Variants in KCNN3 observed in about 807,000 individuals in gnomAD.
The protein encoded by KCNN3 is small conductance calcium-activated potassium channel protein 3.
KCNN3 carries 16 observed loss-of-function variants against 62.9 expected under a neutral mutation model. The observed-to-expected ratio is 0.25, with a 90% confidence interval of 0.17 to 0.39. The LOEUF (loss-of-function observed/expected upper bound fraction) is 0.39, where lower values mean the gene tolerates loss of function less well. Among genes scored for constraint, KCNN3 ranks in the 10% least tolerant of loss-of-function variants. The pLI, the probability that KCNN3 is intolerant of heterozygous loss-of-function variation, is 1.00. For synonymous variants in KCNN3, 370 were observed against 389.2 expected, an observed-to-expected ratio of 0.95 and a Z score of 0.58; for missense variants, 599 against 949.4, an observed-to-expected ratio of 0.63 and a Z score of 4.85.
chr1:154,840,341 G>C (rs1026483982), intron 1 of KCNN3, among the ~76,000 whole-genome samples: 2 of 152,158 alleles, frequency 1.3e-5, no homozygotes, highest in Admixed American at 1.3e-4. Context: ...ATTTGCAAAG[G>C]TATGGTTGGT....
At chr1:154,837,308 T>C (rs1422614093) in intron 1 of KCNN3, among the ~76,000 whole-genome samples, 4 of 152,108 alleles carry the variant, frequency 2.6e-5, no homozygotes, top group Non-Finnish European at 5.9e-5. Context: ...TTTGTGTTTT[T>C]CTTTTTTTTG....
intron 1 of KCNN3, among the ~76,000 whole-genome samples, chr1:154,861,241 C>T (rs1571347249): frequency 2.6e-5 from 4 of 152,208 alleles, no homozygotes; most frequent in Admixed American, 2.6e-4. Flanking sequence ...AGGTATGAGC[C>T]ACCGCGCCTG....
chr1:154,732,861 G>A lies in KCNN3; in HGVS notation c.1590+142C>T, dbSNP rs954080627. ...GCAGATTTCCCACCTGACATTTTAT[G>A]TGTAGGGGACACACATGCAGGTCGG... is the stretch of plus-strand genomic sequence containing the variant. On this transcript the variant is annotated intron_variant, in intron 4 of 7. Coordinates refer to ENST00000271915, the MANE Select transcript of KCNN3 (RefSeq NM_002249.6). The A allele has an allele frequency of 6.2e-6, 5 of 808,666 alleles. No individual in the cohort carries two copies. In the African/African-American group the frequency reaches 6.7e-5, roughly 11 times the overall value. 50.1% of individuals were successfully genotyped at this position (808,666 alleles called of 1,614,324 possible).
chr1:154,790,461 G>A lies in KCNN3; in HGVS notation c.1030-18068C>T, dbSNP rs181210222. On this transcript the variant is annotated intron_variant, in intron 2 of 7. Transcript: ENST00000271915. ...AACACTTACATTAGCCTACATTTGA[G>A]CAAAATCATCTATCACAAAGCCTAT... Among the ~76,000 whole-genome samples the A allele has an allele frequency of 4.1e-3, 619 of 152,304 alleles. 4 individuals are homozygous for A. The highest frequency in any genetic ancestry group is 0.014 in the African/African-American group (561 of 41,554).
intron 1 of KCNN3, among the ~76,000 whole-genome samples, chr1:154,854,831 A>T (rs1195869947): frequency 6.6e-6 from 1 of 152,230 alleles, no homozygotes; most frequent in Non-Finnish European, 1.5e-5. Context: ...CTAAAATGGA[A>T]AAAAACTTAT....
chr1:154,810,035 G>T (rs985134932), intron 2 of KCNN3, among the ~76,000 whole-genome samples: 6 of 152,202 alleles, frequency 3.9e-5, no homozygotes, highest in African/African-American at 1.4e-4. Flanking sequence ...AGAGTAGCAA[G>T]ATCAGGGTGG....
intron 4 of KCNN3, among the ~76,000 whole-genome samples, chr1:154,731,484 G>T (rs973152330): frequency 6.6e-6 from 1 of 152,204 alleles, no homozygotes; most frequent in East Asian, 1.9e-4. Context: ...GGGTCTGACC[G>T]TCTGGTCCAC....
At chr1:154,848,973 G>A (rs1652198836) in intron 1 of KCNN3, among the ~76,000 whole-genome samples, 1 of 152,178 alleles carries the variant, frequency 6.6e-6, no homozygotes, top group African/African-American at 2.4e-5. Context: ...AGTTTGCCGA[G>A]TAGAATGTTC....
intron 2 of KCNN3, among the ~76,000 whole-genome samples, chr1:154,805,566 A>G (rs1440501440): frequency 6.6e-6 from 1 of 152,102 alleles, no homozygotes; most frequent in Non-Finnish European, 1.5e-5. Flanking sequence ...GGGGATTCCA[A>G]TGGGTGGGCT....
intron 3 of KCNN3, among the ~76,000 whole-genome samples, chr1:154,739,374 T>A (rs1400359522): frequency 6.6e-6 from 1 of 152,214 alleles, no homozygotes; most frequent in Non-Finnish European, 1.5e-5. Flanking sequence ...GTATGTTCTC[T>A]CCATTCTTAG....
chr1:154,713,550 T>C lies in KCNN3; in HGVS notation c.1830-17A>G. On this transcript the variant is annotated splice_polypyrimidine_tract_variant and intron_variant, in intron 6 of 7. Coordinates refer to ENST00000271915, the MANE Select transcript of KCNN3 (RefSeq NM_002249.6). ...CTCCTCAACCTGTGGGGAAGAATGGTAACAGGCAAGCCCTTCAAGTCCATG... is the reference window on the plus strand; with the variant it reads ...CTCCTCAACCTGTGGGGAAGAATGGCAACAGGCAAGCCCTTCAAGTCCATG... 6 of 1,609,342 alleles carry C rather than the reference T, an allele frequency of 3.7e-6. No homozygotes were observed. Among genetic ancestry groups the C allele is most frequent in the South Asian group, 1.1e-5 (1 of 91,012 alleles).
Position 154,746,402 on chromosome 1 carries a change from G to A in KCNN3, c.1449-13258C>T, listed in dbSNP as rs1313269206. Among the ~76,000 whole-genome samples the A allele has an allele frequency of 5.3e-5, 8 of 152,070 alleles. No homozygotes were observed. The East Asian group carries it at 5.8e-4, about 11-fold the overall frequency. On this transcript the variant is annotated intron_variant, in intron 3 of 7. Transcript: ENST00000271915. ...GGTGAGTTGGAGGGAGAAGCAGGGC[G>A]GGGAAAGAACTCTGAGCATCTTCTC...
intron 3 of KCNN3, among the ~76,000 whole-genome samples, chr1:154,742,058 C>T (rs565112359): frequency 2.6e-5 from 4 of 152,270 alleles, no homozygotes; most frequent in African/African-American, 7.2e-5. Context: ...GCTCACTGGC[C>T]TGCTTTCCTC....
intron 2 of KCNN3, among the ~76,000 whole-genome samples, chr1:154,804,393 T>TA (rs1650080084): frequency 6.6e-6 from 1 of 152,278 alleles, no homozygotes; most frequent in South Asian, 2.1e-4. Flanking sequence ...GAATTCATGA[T>TA]ATGCCTTCAC....
Position 154,867,594 on chromosome 1 carries a change from T to G in KCNN3, c.933+1438A>C, listed in dbSNP as rs1440746470. ...ATCCGATCAGCACCTCCTAGGTTTT[T>G]GCGGCTGGATTTCAATAAGGAATGT... is the stretch of plus-strand genomic sequence containing the variant. On this transcript the variant is annotated intron_variant, in intron 1 of 7. Transcript: ENST00000271915. Among the ~76,000 whole-genome samples, 16 of 151,986 alleles carry G rather than the reference T, an allele frequency of 1.1e-4. No homozygotes were observed. The East Asian group carries it at 3.1e-3, about 29-fold the overall frequency.
chr1:154,725,331 A>G (rs1270593459), intron 5 of KCNN3, among the ~76,000 whole-genome samples: 2 of 152,202 alleles, frequency 1.3e-5, no homozygotes, highest in Non-Finnish European at 1.5e-5. Flanking sequence ...TGGTATCATC[A>G]GGCAAAGGGG....
chr1:154,784,464 C>G (rs1649190755), intron 2 of KCNN3, among the ~76,000 whole-genome samples: 1 of 152,202 alleles, frequency 6.6e-6, no homozygotes, highest in Admixed American at 6.5e-5. Context: ...ACAAGCACTC[C>G]CTCTTCTCAG....
intron 5 of KCNN3, among the ~76,000 whole-genome samples, chr1:154,717,691 T>C (rs1700260297): frequency 6.6e-6 from 1 of 152,094 alleles, no homozygotes; most frequent in African/African-American, 2.4e-5. Flanking sequence ...GGCAGTCACA[T>C]CATCTTTATG....
At chr1:154,818,948 A>G (rs937645293) in intron 2 of KCNN3, among the ~76,000 whole-genome samples, 33 of 152,220 alleles carry the variant, frequency 2.2e-4, no homozygotes, top group Non-Finnish European at 4.4e-5. Flanking sequence ...AGACGGGGAC[A>G]TGATCATCTG....
Sources: gnomAD v4.1 joint callset for allele counts (sites outside exome capture counted in the v4.1 genomes callset) on GRCh38, gnomAD v4.1.1 for gene constraint, MANE v1.5 for transcripts, NCBI Gene and HGNC (gene_info 2026-07-23, HGNC 2026-07-21) for gene names.